ATP2B3: variants seen among roughly 807,000 people sequenced by gnomAD.
ATP2B3 encodes ATPase plasma membrane Ca2+ transporting 3, also known as plasma membrane calcium-transporting ATPase 3.
A neutral mutation model predicts 70.8 loss-of-function variants in ATP2B3; 12 were observed. The ratio of observed to expected loss-of-function variants is 0.17; its 90% CI spans 0.11 to 0.27. ATP2B3 has a LOEUF of 0.27. ATP2B3 is among the 10% of genes least tolerant of loss of function. The pLI is 1.00. For synonymous variants in ATP2B3, 460 were observed against 497.8 expected (o/e 0.92, Z 1.01); for missense variants, 858 against 1,118.5 (o/e 0.77, Z 3.32).
intron 2 of ATP2B3, among the ~76,000 whole-genome samples, chrX:153,525,910 G>A (rs1603016664): frequency 2.6e-5 from 3 of 113,357 alleles, no homozygotes; most frequent in East Asian, 2.8e-4. Context: ...TGACCTGGGG[G>A]CCACTGCCCC....
chrX:153,562,664 T>C (rs1431166757), intron 20 of ATP2B3, among the ~76,000 whole-genome samples: 1 of 112,159 alleles, frequency 8.9e-6, no homozygotes, highest in Non-Finnish European at 1.9e-5. Flanking sequence ...CACATCGAGC[T>C]CTGTGGGCTG....
intron 2 of ATP2B3, among the ~76,000 whole-genome samples, chrX:153,534,276 T>C (rs2090157777): frequency 8.9e-6 from 1 of 111,803 alleles, no homozygotes; most frequent in Admixed American, 9.4e-5. Context: ...GGGTCAGAAG[T>C]GGGACACCCA....
At chrX:153,554,079 C>G (rs900307178) in intron 13 of ATP2B3, among the ~76,000 whole-genome samples, 3 of 113,867 alleles carry the variant, frequency 2.6e-5, no homozygotes, top group African/African-American at 6.4e-5. Flanking sequence ...CAAAAACACT[C>G]AATTCAAAGA....
intron 21 of ATP2B3, among the ~76,000 whole-genome samples, chrX:153,574,039 C>G (rs1557020667): frequency 8.9e-6 from 1 of 112,857 alleles, no homozygotes. Context: ...CTAATTCAAG[C>G]ATGTGACATC....
At chrX:153,576,219 C>T (rs905622453) in intron 21 of ATP2B3, among the ~76,000 whole-genome samples, 7 of 110,996 alleles carry the variant, frequency 6.3e-5, no homozygotes, top group Non-Finnish European at 1.1e-4. Context: ...GAAACTCCAC[C>T]TAGAGAAGGG....
At chrX:153,565,254 T>G in intron 21 of ATP2B3, 151 bp downstream of exon 21, 9 of 752,870 alleles carry the variant, frequency 1.2e-5, no homozygotes, top group Non-Finnish European at 1.5e-5. Context: ...CAGCTGCCAG[T>G]GTCCCCTTTG....
rs1557016086 is a variant in ATP2B3 at position 153,560,893 on chromosome X, AGG to A, written c.3051+9_3051+10del. The A allele has an allele frequency of 1.7e-6, 2 of 1,211,033 alleles. No individual in the cohort carries two copies. Among genetic ancestry groups the A allele is most frequent in the Admixed American group, 4.3e-5 (2 of 46,036 alleles). ...TGGGCACTTTCGGGATTCAGGTAGG[AGG>A]GGCGGCTCCACTCTTGGCCTCTGCC... is the stretch of plus-strand genomic sequence containing the variant. On this transcript the variant is annotated splice_region_variant and intron_variant, in intron 19 of 21. Coordinates refer to ENST00000263519, the MANE Select transcript of ATP2B3 (RefSeq NM_001001344.3).
chrX:153,558,383 T>A, intron 17 of ATP2B3, 80 bp downstream of exon 17: 1 of 963,882 alleles, frequency 1.0e-6, no homozygotes, highest in Admixed American at 3.3e-5. Flanking sequence ...GTGAGGGTTT[T>A]GTTTTCTTTG....
chrX:153,545,095 G>T (rs56001058), intron 7 of ATP2B3, among the ~76,000 whole-genome samples: 9 of 111,843 alleles, frequency 8.0e-5, no homozygotes, highest in African/African-American at 2.3e-4. Flanking sequence ...GTAGGGTCGG[G>T]GGGGGGGCCC....
At chrX:153,566,619 C>A (rs1246463307) in intron 21 of ATP2B3, among the ~76,000 whole-genome samples, 1 of 110,768 alleles carries the variant, frequency 9.0e-6, no homozygotes, top group East Asian at 2.8e-4. Context: ...CCACCCTCTG[C>A]AGTGGGACTG....
At chrX:153,533,310 G>A (rs1557002621) in intron 2 of ATP2B3, 2 of 112,018 alleles carry the variant, frequency 1.8e-5, no homozygotes, top group African/African-American at 6.5e-5. Context: ...AGTTTTGGCT[G>A]GGGAACTGGC....
At position 153,580,379 on chromosome X, in the gene ATP2B3, T is replaced by C; in HGVS notation, c.*81T>C. 1 of 949,058 alleles carries C rather than the reference T, an allele frequency of 1.1e-6. No individual in the cohort carries two copies. Among genetic ancestry groups the C allele is most frequent in the Non-Finnish European group, 1.4e-6 (1 of 691,563 alleles). 78.2% of individuals were successfully genotyped at this position (949,058 alleles called of 1,213,427 possible). A position where few individuals can be genotyped will look rare whatever the true frequency, so the allele number is the denominator to read the frequency against. On this transcript the variant is annotated 3_prime_UTR_variant, in exon 22 of 22. Transcript: ENST00000263519. ...ACGCACACATGCACGCACACACACA[T>C]ATGGGGACCTGCACACCTGCAAAAC...
intron 3 of ATP2B3, among the ~76,000 whole-genome samples, chrX:153,537,493 G>C (rs1274985050): frequency 1.8e-5 from 2 of 113,509 alleles, no homozygotes. Flanking sequence ...CCTCGGCCCC[G>C]TCTGTCTGCA....
At chrX:153,572,693 C>A (rs952803076) in intron 21 of ATP2B3, among the ~76,000 whole-genome samples, 1 of 111,683 alleles carries the variant, frequency 9.0e-6, no homozygotes, top group South Asian at 3.8e-4. Flanking sequence ...CAGCTCCAGG[C>A]AGCCTCCACT....
At position 153,541,598 on chromosome X, in the gene ATP2B3, G is replaced by A. The variant is rs904948890; in HGVS notation, c.406+42G>A. 9.1e-6 allele frequency: 11 copies of A among 1,206,538 alleles called. No individual in the cohort carries two copies. The African/African-American group carries it at 1.6e-4, about 17-fold the overall frequency. On this transcript the variant is annotated intron_variant, in intron 4 of 21. Transcript: ENST00000263519. ...TGGGCTGGAAGGAGGAAGAGGAATG[G>A]GGCTTGAGATGAGGGACGGTCACAG...
In ATP2B3 at chrX:153,556,856, G is replaced by T. The variant is rs1360330294; in HGVS notation, c.2327-61G>T. 1.3e-5 allele frequency: 14 copies of T among 1,103,243 alleles called. No homozygotes were observed. In the East Asian group the frequency reaches 3.6e-4, roughly 28 times the overall value. The allele number at this position is 1,103,243 out of a possible 1,213,427, so 90.9% of individuals were successfully genotyped here. A position where few individuals can be genotyped will look rare whatever the true frequency, so the allele number is the denominator to read the frequency against. On this transcript the variant is annotated intron_variant, in intron 15 of 21. Transcript: ENST00000263519. ...CTACCCCCATAGCTCCCTGGGCAGGGCTACACAGGGTTGTGGTGACAGATG... is the reference window on the plus strand; with the variant it reads ...CTACCCCCATAGCTCCCTGGGCAGGTCTACACAGGGTTGTGGTGACAGATG...
chrX:153,547,333 G>A (rs782542188), intron 8 of ATP2B3, among the ~76,000 whole-genome samples: 251 of 111,234 alleles, frequency 2.3e-3, no homozygotes, highest in African/African-American at 7.9e-3. Flanking sequence ...TGCTCCAGGG[G>A]AGAGGCAGGG....
intron 2 of ATP2B3, among the ~76,000 whole-genome samples, chrX:153,535,807 C>T (rs1557003598): frequency 8.9e-6 from 1 of 112,694 alleles, no homozygotes; most frequent in African/African-American, 3.2e-5. Flanking sequence ...ATCTGGGGGG[C>T]AGTGACAGCC....
chrX:153,551,982 G>A (rs1372602638), intron 12 of ATP2B3, among the ~76,000 whole-genome samples: 9 of 112,491 alleles, frequency 8.0e-5, no homozygotes, highest in South Asian at 3.6e-4. Flanking sequence ...TGTGTTCTGC[G>A]GACTGGACCA....
Sources: allele counts gnomAD v4.1 joint callset (sites outside exome capture counted in the v4.1 genomes callset), GRCh38; gene constraint gnomAD v4.1.1; transcripts MANE v1.5; gene names NCBI Gene and HGNC (gene_info 2026-07-23, HGNC 2026-07-21).